ATG7: variants seen among roughly 807,000 people sequenced by gnomAD.
ATG7 encodes autophagy related 7, also known as ubiquitin-like modifier-activating enzyme ATG7.
A neutral mutation model predicts 82.4 loss-of-function variants in ATG7; 70 were observed. That is an observed-to-expected ratio of 0.85 (90% CI 0.70 to 1.04). The LOEUF is 1.04. ATG7 is among the 50% of genes least tolerant of loss of function. The pLI, the probability that ATG7 is intolerant of heterozygous loss-of-function variation, is 0.00. For missense variants in ATG7, 792 were observed against 864.3 expected (o/e 0.92, Z 1.05); for synonymous variants, 287 against 313.0 (o/e 0.92, Z 0.88).
chr3:11,485,093 G>A (rs544577766), intron 20 of ATG7, among the ~76,000 whole-genome samples: 1 of 152,278 alleles, frequency 6.6e-6, no homozygotes, highest in South Asian at 2.1e-4. Flanking sequence ...GGTATTTCTA[G>A]TTCTAGGTCC....
chr3:11,407,516 TGGG>T (rs1346540604), intron 19 of ATG7, among the ~76,000 whole-genome samples: 2 of 152,152 alleles, frequency 1.3e-5, no homozygotes, highest in Non-Finnish European at 2.9e-5. Context: ...GAACTCTGTG[TGGG>T]GGCTCTCACC....
chr3:11,347,222 T>C (rs1954685317), intron 13 of ATG7, among the ~76,000 whole-genome samples: 1 of 152,224 alleles, frequency 6.6e-6, no homozygotes, highest in African/African-American at 2.4e-5. Context: ...ACAAAGTAAT[T>C]GGACCAAGGA....
chr3:11,391,967 G>GC (rs200432443), intron 19 of ATG7, among the ~76,000 whole-genome samples: 1 of 130,712 alleles, frequency 7.7e-6, no homozygotes, highest in Admixed American at 7.4e-5. Flanking sequence ...TTGGGGGGGG[G>GC]GTAATTTCAC....
At chr3:11,513,200 C>A (rs1001256239) in intron 20 of ATG7, among the ~76,000 whole-genome samples, 1 of 152,260 alleles carries the variant, frequency 6.6e-6, no homozygotes, top group African/African-American at 2.4e-5. Context: ...GATCCCGCAC[C>A]GGGGCTGCAG....
intron 20 of ATG7, among the ~76,000 whole-genome samples, chr3:11,508,022 A>G (rs1342532646): frequency 2.0e-5 from 3 of 152,204 alleles, no homozygotes; most frequent in Non-Finnish European, 4.4e-5. Context: ...GAAGAAGGGA[A>G]GAATGGCTAG....
intron 19 of ATG7, among the ~76,000 whole-genome samples, chr3:11,414,870 G>C (rs948690599): frequency 6.6e-6 from 1 of 152,224 alleles, no homozygotes; most frequent in Non-Finnish European, 1.5e-5. Flanking sequence ...ATTTTCAAAT[G>C]TTGAACCAGG....
chr3:11,403,147 C>T (rs750366827), intron 19 of ATG7, among the ~76,000 whole-genome samples: 1 of 152,136 alleles, frequency 6.6e-6, no homozygotes, highest in African/African-American at 2.4e-5. Flanking sequence ...TATTGAGATA[C>T]AATTTACATA....
chr3:11,542,749 T>C (rs1177402755), intron 20 of ATG7, among the ~76,000 whole-genome samples: 2 of 152,064 alleles, frequency 1.3e-5, no homozygotes, highest in South Asian at 2.1e-4. Flanking sequence ...CTCCCGGGCG[T>C]CAGGTCTCTG....
the ATG7 span, chr3:11,568,847 G>A: frequency 2.2e-6 from 3 of 1,391,068 alleles, no homozygotes; most frequent in African/African-American, 4.4e-5. This position sits in a 1 kb window ranked among gnomAD's most constrained non-coding sequence, Gnocchi z 5.9. Context: ...GTGGCTCCGT[G>A]CCAGGCCTAT....
At chr3:11,278,027 G>C (rs1942263707) in intron 1 of ATG7, among the ~76,000 whole-genome samples, 1 of 151,632 alleles carries the variant, frequency 6.6e-6, no homozygotes, top group African/African-American at 2.4e-5. Context: ...CAAAAATATG[G>C]CTGTATTCTG....
intron 9 of ATG7, among the ~76,000 whole-genome samples, chr3:11,318,696 A>G (rs2606752): frequency 0.87 from 132,333 of 152,216 alleles, 57,819 homozygotes; most frequent in East Asian, 1. Context: ...CTTCAGTTCC[A>G]GTTCCTGTCC....
intron 19 of ATG7, among the ~76,000 whole-genome samples, chr3:11,400,901 G>A (rs971464899): frequency 4.6e-5 from 7 of 152,088 alleles, no homozygotes; most frequent in Non-Finnish European, 1.0e-4. Flanking sequence ...TTTTTTTACC[G>A]TAAGTAATTT....
At chr3:11,406,076 G>A (rs1409438522) in intron 19 of ATG7, among the ~76,000 whole-genome samples, 1 of 150,778 alleles carries the variant, frequency 6.6e-6, no homozygotes, top group African/African-American at 2.4e-5. Flanking sequence ...TGCAACCTCT[G>A]CCTCCCAGGC....
intron 20 of ATG7, among the ~76,000 whole-genome samples, chr3:11,431,555 TC>T (rs1297828877): frequency 6.6e-6 from 1 of 152,164 alleles, no homozygotes; most frequent in Non-Finnish European, 1.5e-5. Context: ...CACTCCCTGT[TC>T]CCTCCTCCTT....
intron 4 of ATG7, 109 bp downstream of exon 4, chr3:11,298,964 T>G: frequency 1.7e-6 from 2 of 1,189,028 alleles, no homozygotes; most frequent in Non-Finnish European, 1.2e-6. Context: ...TTATAATCAG[T>G]GCTCTTCACT....
In ATG7 at chr3:11,375,038, TTAAAA is replaced by T. The variant is rs1355675479; in HGVS notation, c.1876-4933_1876-4929del. 9.4e-3 allele frequency among the ~76,000 whole-genome samples: 1,354 copies of T among 144,464 alleles called. 25 individuals carry two copies. Among genetic ancestry groups the T allele is most frequent in the Non-Finnish European group, 0.011 (759 of 67,022 alleles). 94.8% of individuals were successfully genotyped at this position (144,464 alleles called of 152,430 possible). On this transcript the variant is annotated intron_variant, in intron 18 of 20. Transcript: ENST00000693202. ...GCAACACAGCGAGACCTCATCTCTCTTAAAAAAAAAAAAAAAAATCAAAAGAATTA... is the reference window on the plus strand; with the variant it reads ...GCAACACAGCGAGACCTCATCTCTCTAAAAAAAAAAAAATCAAAAGAATTA...
At chr3:11,564,946 C>T in the ATG7 span, 3 of 1,575,270 alleles carry the variant, frequency 1.9e-6, no homozygotes, top group African/African-American at 1.4e-5. Flanking sequence ...ATGGTGGGGG[C>T]CACAGCGCGC....
At chr3:11,537,412 C>G (rs1416002846) in intron 20 of ATG7, among the ~76,000 whole-genome samples, 1 of 152,290 alleles carries the variant, frequency 6.6e-6, no homozygotes, top group African/African-American at 2.4e-5. Flanking sequence ...CAGGGACGGA[C>G]GCACCTGTCC....
intron 20 of ATG7, among the ~76,000 whole-genome samples, chr3:11,470,302 T>G (rs1382822304): frequency 1.3e-5 from 2 of 152,226 alleles, no homozygotes; most frequent in African/African-American, 4.8e-5. Context: ...TGGCATAGCC[T>G]GCTACATACT....
Sources: allele counts gnomAD v4.1 joint callset (sites outside exome capture counted in the v4.1 genomes callset), GRCh38; gene constraint gnomAD v4.1.1; non-coding constraint Gnocchi (gnomAD v3.1); transcripts MANE v1.5; gene names NCBI Gene and HGNC (gene_info 2026-07-23, HGNC 2026-07-21).